Variants in SGCZ observed in about 807,000 individuals in gnomAD.
The protein encoded by SGCZ is sarcoglycan zeta, also known as zeta-sarcoglycan.
Under a neutral mutation model 41.3 loss-of-function variants are expected in SGCZ, and 40 were observed. The observed-to-expected ratio is 0.97, with a 90% CI of 0.75 to 1.26. The LOEUF is 1.26. Among genes scored for constraint, SGCZ ranks in the 50% most tolerant of loss-of-function variants. The pLI is 0.00. For synonymous variants in SGCZ, 206 were observed against 137.5 expected, an observed-to-expected ratio of 1.50 and a Z score of -3.49; for missense variants, 552 against 369.8, an observed-to-expected ratio of 1.49 and a Z score of -4.04.
intron 2 of SGCZ, among the ~76,000 whole-genome samples, chr8:14,526,367 C>A (rs768798114): frequency 6.6e-6 from 1 of 152,082 alleles, no homozygotes; most frequent in African/African-American, 2.4e-5. Flanking sequence ...TATTTGATGA[C>A]AGCCGTCCCA....
At chr8:14,457,228 G>C (rs1800771406) in intron 2 of SGCZ, among the ~76,000 whole-genome samples, 1 of 152,188 alleles carries the variant, frequency 6.6e-6, no homozygotes, top group South Asian at 2.1e-4. Context: ...AGGCCATACA[G>C]AGATAGGAGC....
At chr8:15,198,280 G>A (rs1203653322) in intron 1 of SGCZ, among the ~76,000 whole-genome samples, 1 of 151,836 alleles carries the variant, frequency 6.6e-6, no homozygotes, top group Non-Finnish European at 1.5e-5. Context: ...GTATGAAAGA[G>A]GGATCAGTTA....
At chr8:14,253,534 CTT>C (rs1235928318) in intron 3 of SGCZ, among the ~76,000 whole-genome samples, 1 of 152,066 alleles carries the variant, frequency 6.6e-6, no homozygotes, top group South Asian at 2.1e-4. Context: ...CAGAAAATCA[CTT>C]TTTCTTCAAA....
At chr8:14,565,800 G>C (rs1804341609) in intron 1 of SGCZ, among the ~76,000 whole-genome samples, 1 of 152,026 alleles carries the variant, frequency 6.6e-6, no homozygotes, top group African/African-American at 2.4e-5. Flanking sequence ...AAAGATAATA[G>C]AGGATGGCTT....
At chr8:15,158,675 C>T (rs551568200) in intron 1 of SGCZ, among the ~76,000 whole-genome samples, 3 of 152,190 alleles carry the variant, frequency 2.0e-5, no homozygotes, top group Non-Finnish European at 2.9e-5. Flanking sequence ...TGGGTAGGTT[C>T]TTTGAATATA....
intron 2 of SGCZ, among the ~76,000 whole-genome samples, chr8:14,487,188 C>T (rs1801699112): frequency 6.6e-6 from 1 of 152,186 alleles, no homozygotes; most frequent in Non-Finnish European, 1.5e-5. Context: ...TCCTTTAACA[C>T]TTGACTTGTG....
chr8:14,850,867 G>T (rs1803293025), intron 1 of SGCZ, among the ~76,000 whole-genome samples: 1 of 152,140 alleles, frequency 6.6e-6, no homozygotes, highest in Admixed American at 6.5e-5. Flanking sequence ...TTCTGAAGAA[G>T]ATGCCTTGCT....
chr8:14,829,438 T>C (rs765954395), intron 1 of SGCZ, among the ~76,000 whole-genome samples: 1 of 152,240 alleles, frequency 6.6e-6, no homozygotes, highest in African/African-American at 2.4e-5. Context: ...TTTCTTTATC[T>C]TTTAATTCAA....
chr8:14,245,976 G>T (rs1799072340), intron 3 of SGCZ, among the ~76,000 whole-genome samples: 1 of 152,146 alleles, frequency 6.6e-6, no homozygotes, highest in Admixed American at 6.6e-5. Context: ...TGGAAAAATA[G>T]GTACACTTTT....
intron 1 of SGCZ, among the ~76,000 whole-genome samples, chr8:15,155,150 C>A (rs1251337540): frequency 6.6e-6 from 1 of 151,962 alleles, no homozygotes; most frequent in Non-Finnish European, 1.5e-5. Flanking sequence ...GAAAAATCAG[C>A]TGAGTGTGGT....
At chr8:15,006,880 C>T (rs6995148) in intron 1 of SGCZ, among the ~76,000 whole-genome samples, 11,489 of 152,048 alleles carry the variant, frequency 0.076, 668 homozygotes, top group African/African-American at 0.16. Flanking sequence ...ATTTTTGTAA[C>T]CCAGAGAAAG....
intron 2 of SGCZ, 34 bp downstream of exon 2, chr8:14,554,698 G>C (rs750597231): frequency 6.4e-7 from 1 of 1,555,308 alleles, no homozygotes; most frequent in Non-Finnish European, 8.8e-7. Context: ...TCTGAACCAA[G>C]AGCAATAAGA....
intron 1 of SGCZ, among the ~76,000 whole-genome samples, chr8:14,980,061 G>T (rs1162772240): frequency 6.6e-6 from 1 of 152,162 alleles, no homozygotes; most frequent in African/African-American, 2.4e-5. Context: ...CCAAAATTTT[G>T]AAAAGTAAAG....
intron 5 of SGCZ, among the ~76,000 whole-genome samples, chr8:14,134,696 C>T (rs1003902107): frequency 6.6e-6 from 1 of 152,140 alleles, no homozygotes; most frequent in Non-Finnish European, 1.5e-5. Flanking sequence ...CAGGTGTTAG[C>T]TCTCAGCCTA....
At chr8:14,549,321 A>G (rs1196403826) in intron 2 of SGCZ, among the ~76,000 whole-genome samples, 1 of 152,068 alleles carries the variant, frequency 6.6e-6, no homozygotes, top group Non-Finnish European at 1.5e-5. Context: ...TTTTCCTCCT[A>G]TCAGGGGAAG....
intron 1 of SGCZ, among the ~76,000 whole-genome samples, chr8:14,866,714 G>A (rs933134392): frequency 6.6e-6 from 1 of 152,054 alleles, no homozygotes; most frequent in African/African-American, 2.4e-5. Flanking sequence ...AGAGGTTGAG[G>A]TGGGAGGATA....
At chr8:15,227,740 A>T (rs532962129) in intron 1 of SGCZ, among the ~76,000 whole-genome samples, 1 of 152,348 alleles carries the variant, frequency 6.6e-6, no homozygotes, top group South Asian at 2.1e-4. Flanking sequence ...ATGGCATTGC[A>T]CATGTTGCAA....
intron 2 of SGCZ, among the ~76,000 whole-genome samples, chr8:14,332,890 T>A (rs1035761295): frequency 5.3e-5 from 8 of 149,934 alleles, no homozygotes; most frequent in Non-Finnish European, 8.9e-5. Context: ...ATATATTATA[T>A]GTGTGTCTAT....
At chr8:14,093,902 T>A (rs945126384) in intron 7 of SGCZ, among the ~76,000 whole-genome samples, 15 of 152,252 alleles carry the variant, frequency 9.9e-5, no homozygotes, top group Admixed American at 9.8e-4. Flanking sequence ...TTGTATTCAT[T>A]CATTGTTTGT....
Sources: allele counts gnomAD v4.1 joint callset (sites outside exome capture counted in the v4.1 genomes callset), GRCh38; gene constraint gnomAD v4.1.1; transcripts MANE v1.5; gene names NCBI Gene and HGNC (gene_info 2026-07-23, HGNC 2026-07-21).